The following RNF144A variants were observed in gnomAD, a reference collection of about 807,000 sequenced individuals.
RNF144A encodes the protein E3 ubiquitin-protein ligase RNF144A.
Under a neutral mutation model 38.7 loss-of-function variants are expected in RNF144A, and 11 were observed. The ratio of observed to expected loss-of-function variants is 0.28; its 90% CI spans 0.18 to 0.47. The LOEUF (loss-of-function observed/expected upper bound fraction) is 0.47, where lower values mean the gene tolerates loss of function less well. Among genes scored for constraint, RNF144A ranks in the 20% least tolerant of loss-of-function variants. The pLI is 0.99. For synonymous variants in RNF144A, 149 were observed against 143.9 expected, an observed-to-expected ratio of 1.04 and a Z score of -0.25; for missense variants, 316 against 377.2, an observed-to-expected ratio of 0.84 and a Z score of 1.34.
At chr2:6,919,851 A>G (rs1386921439) in intron 1 of RNF144A, among the ~76,000 whole-genome samples, 1 of 152,258 alleles carries the variant, frequency 6.6e-6, no homozygotes, top group African/African-American at 2.4e-5. Context: ...GGGCAAACTC[A>G]AATGCACGAT....
At position 6,996,922 on chromosome 2, in the gene RNF144A, C is replaced by T; in HGVS notation, c.-5C>T. 1 of 1,613,410 alleles carries T rather than the reference C, an allele frequency of 6.2e-7. No homozygotes were observed. The highest frequency in any genetic ancestry group is 1.3e-5 in the African/African-American group (1 of 75,022). On this transcript the variant is annotated 5_prime_UTR_variant, in exon 3 of 9. Coordinates refer to ENST00000320892, the MANE Select transcript of RNF144A (RefSeq NM_014746.6). ...CGTGCTTCTCTCGTTTCAGACTGTT[C>T]TGCGATGACCACAACAAGGTACCGG... is the stretch of plus-strand genomic sequence containing the variant.
In RNF144A at chr2:7,043,172, T is replaced by C. The variant is rs540006479; in HGVS notation, c.*3412T>C. The C allele has an allele frequency of 3.5e-4, 346 of 985,390 alleles. No homozygotes were observed. Among genetic ancestry groups the C allele is most frequent in the Admixed American group, 6.8e-4 (11 of 16,278 alleles). 61.0% of individuals were successfully genotyped at this position (985,390 alleles called of 1,614,324 possible). ...CCTGAGCCACCCCACCCGGCCTATTTTCTTAAAGGGGAACAAATGATCTTG... is the reference window on the plus strand; with the variant it reads ...CCTGAGCCACCCCACCCGGCCTATTCTCTTAAAGGGGAACAAATGATCTTG... On this transcript the variant is annotated 3_prime_UTR_variant, in exon 9 of 9. Transcript: ENST00000320892.
At chr2:7,060,365 C>T (rs959956693) in intron 6 of RNF144A, among the ~76,000 whole-genome samples, 5 of 152,118 alleles carry the variant, frequency 3.3e-5, no homozygotes, top group East Asian at 1.9e-4. Context: ...AAAGAGAGCA[C>T]ATGTGCTGTT....
chr2:7,058,882 T>C (rs1218438259), intron 6 of RNF144A, among the ~76,000 whole-genome samples: 1 of 152,186 alleles, frequency 6.6e-6, no homozygotes, highest in African/African-American at 2.4e-5. Flanking sequence ...ACCGTATACC[T>C]GTATGCTGTG....
At chr2:6,951,153 A>T (rs1004143214) in intron 2 of RNF144A, among the ~76,000 whole-genome samples, 2 of 152,210 alleles carry the variant, frequency 1.3e-5, no homozygotes, top group Non-Finnish European at 2.9e-5. Context: ...TGTGTGATGG[A>T]GGAATCCAAT....
intron 7 of RNF144A, 97 bp downstream of exon 7, chr2:7,024,613 G>A (rs1446747552): frequency 1.4e-6 from 2 of 1,389,182 alleles, no homozygotes; most frequent in Non-Finnish European, 9.9e-7. Context: ...AGAGCTTGGT[G>A]CCTACTCCTG....
chr2:7,057,094 G>A (rs17611830), intron 6 of RNF144A, among the ~76,000 whole-genome samples: 2,085 of 152,294 alleles, frequency 0.014, 26 homozygotes, highest in Admixed American at 0.019. Context: ...TGCTTATGGG[G>A]ACTATTATAC....
chr2:6,920,471 G>C (rs1048135440), intron 1 of RNF144A, among the ~76,000 whole-genome samples: 7 of 152,206 alleles, frequency 4.6e-5, no homozygotes, highest in Non-Finnish European at 1.0e-4. Context: ...CAATAGAAGA[G>C]GATGAAGCCG....
chr2:6,934,586 G>A (rs1442462025), intron 1 of RNF144A, among the ~76,000 whole-genome samples: 1 of 151,922 alleles, frequency 6.6e-6, no homozygotes, highest in Non-Finnish European at 1.5e-5. Flanking sequence ...TTTTTCCTCT[G>A]GTAAAATTGT....
Position 7,041,575 on chromosome 2 carries a change from A to C in RNF144A, c.*1815A>C. Reference sequence around the variant, plus strand: ...TGCTGTGATGGTGTCTACTGTTAGAATAGCTTTTCTGGAGGTGGGTGGCAA... The same window carrying C: ...TGCTGTGATGGTGTCTACTGTTAGACTAGCTTTTCTGGAGGTGGGTGGCAA... On this transcript the variant is annotated 3_prime_UTR_variant, in exon 9 of 9. Transcript: ENST00000320892. The C allele has an allele frequency of 7.1e-6, 7 of 985,994 alleles. No homozygotes were observed. The highest frequency in any genetic ancestry group is 8.4e-6 in the Non-Finnish European group (7 of 829,954). 61.1% of individuals were successfully genotyped at this position (985,994 alleles called of 1,614,324 possible). A position where few individuals can be genotyped will look rare whatever the true frequency, so the allele number is the denominator to read the frequency against.
chr2:6,966,386 T>C (rs922664051), intron 2 of RNF144A, among the ~76,000 whole-genome samples: 1 of 152,242 alleles, frequency 6.6e-6, no homozygotes, highest in Non-Finnish European at 1.5e-5. Flanking sequence ...ATTCTCCAAA[T>C]GTTGGATGTT....
chr2:7,027,924 CTG>C (rs199560739), intron 7 of RNF144A, among the ~76,000 whole-genome samples: 1,691 of 144,388 alleles, frequency 0.012, 12 homozygotes, highest in Non-Finnish European at 0.016. Flanking sequence ...TGAAATCTGG[CTG>C]TGTGTCAGCC....
chr2:6,990,317 G>A (rs1048294930), intron 2 of RNF144A, among the ~76,000 whole-genome samples: 3 of 149,292 alleles, frequency 2.0e-5, no homozygotes, highest in Admixed American at 6.7e-5. Flanking sequence ...ATTGGATTAC[G>A]GTCCCACCCT....
intron 8 of RNF144A, among the ~76,000 whole-genome samples, chr2:7,033,694 C>T (rs1037081513): frequency 2.0e-5 from 3 of 152,194 alleles, no homozygotes; most frequent in African/African-American, 7.2e-5. Flanking sequence ...GAAGAGCCCT[C>T]CCTCCCATGT....
At chr2:7,022,499 A>G (rs567513697) in intron 6 of RNF144A, among the ~76,000 whole-genome samples, 16 of 152,384 alleles carry the variant, frequency 1.0e-4, no homozygotes, top group Admixed American at 2.0e-4. Flanking sequence ...TGCATAGCAC[A>G]GTACACCAGA....
intron 1 of RNF144A, among the ~76,000 whole-genome samples, chr2:6,921,748 C>T (rs554395638): frequency 1.3e-5 from 2 of 152,262 alleles, no homozygotes; most frequent in South Asian, 4.2e-4. Context: ...CTGGATCAGC[C>T]CCGGGTGGCA....
chr2:6,968,852 G>A (rs1453943014), intron 2 of RNF144A, among the ~76,000 whole-genome samples: 1 of 152,178 alleles, frequency 6.6e-6, no homozygotes, highest in East Asian at 1.9e-4. Context: ...GTGTTCTCAG[G>A]TGTTGTGTGT....
At chr2:6,945,681 ACTT>A (rs1303168942) in intron 2 of RNF144A, among the ~76,000 whole-genome samples, 1 of 151,688 alleles carries the variant, frequency 6.6e-6, no homozygotes, top group Non-Finnish European at 1.5e-5. Flanking sequence ...ACACAGGCTG[ACTT>A]CTGTTTGTAA....
At chr2:7,052,808 A>C (rs559193981) in intron 6 of RNF144A, among the ~76,000 whole-genome samples, 40 of 151,106 alleles carry the variant, frequency 2.6e-4, no homozygotes, top group South Asian at 1.5e-3. Context: ...TATGAAACAG[A>C]AGGATTCCTG....
Sources: gnomAD v4.1 joint callset for allele counts (sites outside exome capture counted in the v4.1 genomes callset) on GRCh38, gnomAD v4.1.1 for gene constraint, MANE v1.5 for transcripts, NCBI Gene and HGNC (gene_info 2026-07-23, HGNC 2026-07-21) for gene names.